Variants in RNF180 observed in about 807,000 individuals in gnomAD.
The protein encoded by RNF180 is ring finger protein 180, also known as E3 ubiquitin-protein ligase RNF180.
A neutral mutation model predicts 59.2 loss-of-function variants in RNF180; 38 were observed. The ratio of observed to expected loss-of-function variants is 0.64; its 90% CI spans 0.50 to 0.84. The LOEUF (loss-of-function observed/expected upper bound fraction) is 0.84, where lower values mean the gene tolerates loss of function less well. Ranked by LOEUF, RNF180 falls within the 40% of genes least tolerant of loss-of-function variation. The probability of loss-of-function intolerance (pLI) is 0.00; values close to 1 mark genes in which losing one functional copy is unlikely to be tolerated. For synonymous variants in RNF180, 262 were observed against 240.3 expected, an observed-to-expected ratio of 1.09 and a Z score of -0.84; for missense variants, 705 against 700.9, an observed-to-expected ratio of 1.01 and a Z score of -0.07.
At chr5:64,213,241 T>C (rs921868454) in intron 3 of RNF180, among the ~76,000 whole-genome samples, 1 of 152,204 alleles carries the variant, frequency 6.6e-6, no homozygotes, top group African/African-American at 2.4e-5. Context: ...CCTGGTTCCA[T>C]AGCATATTTT....
intron 1 of RNF180, among the ~76,000 whole-genome samples, chr5:64,193,770 A>G (rs1021995248): frequency 1.3e-5 from 2 of 152,140 alleles, no homozygotes; most frequent in Non-Finnish European, 2.9e-5. Flanking sequence ...TAATCCCTGT[A>G]TGGGCAATGG....
intron 1 of RNF180, chr5:64,166,367 T>A (rs986839003): frequency 6.6e-6 from 1 of 152,642 alleles, no homozygotes; most frequent in Non-Finnish European, 1.5e-5. Context: ...TTTCGGAGCT[T>A]GTGGGGACCA....
intron 3 of RNF180, 31 bp from the exon 4 acceptor site, chr5:64,213,527 C>T: frequency 1.3e-6 from 2 of 1,551,316 alleles, no homozygotes; most frequent in Non-Finnish European, 1.7e-6. Flanking sequence ...ATAATGAAAG[C>T]ACTGTCTTTA....
intron 5 of RNF180, among the ~76,000 whole-genome samples, chr5:64,252,251 C>T (rs888532020): frequency 6.6e-6 from 1 of 152,080 alleles, no homozygotes; most frequent in Non-Finnish European, 1.5e-5. Context: ...TGATTTTCAA[C>T]AAAGGTGCCA....
chr5:64,253,989 G>C (rs1440709324), intron 5 of RNF180, among the ~76,000 whole-genome samples: 1 of 151,930 alleles, frequency 6.6e-6, no homozygotes, highest in East Asian at 1.9e-4. Flanking sequence ...ACCACTAAAG[G>C]GTGGACCCTC....
At chr5:64,278,516 C>T (rs1353241095) in intron 5 of RNF180, among the ~76,000 whole-genome samples, 1 of 151,864 alleles carries the variant, frequency 6.6e-6, no homozygotes, top group African/African-American at 2.4e-5. Context: ...GTAACAGTGG[C>T]AAAAGATAAA....
chr5:64,316,750 G>A (rs1744058030), intron 5 of RNF180, among the ~76,000 whole-genome samples: 1 of 152,190 alleles, frequency 6.6e-6, no homozygotes. Context: ...ATATAATTGT[G>A]TTGATGGAGA....
intron 1 of RNF180, among the ~76,000 whole-genome samples, chr5:64,192,911 A>ATATATATATATATG (rs1751247039): frequency 1.5e-5 from 1 of 66,894 alleles, no homozygotes; most frequent in South Asian, 4.7e-4. Context: ...ATGTATATAT[A>ATATATATATATATG]TATATATATA....
intron 7 of RNF180, among the ~76,000 whole-genome samples, chr5:64,354,960 A>C (rs184236719): frequency 3.7e-3 from 567 of 152,052 alleles, no homozygotes; most frequent in Non-Finnish European, 5.9e-3. Flanking sequence ...CCTCCTAGCT[A>C]ACACCACACA....
At position 64,188,107 on chromosome 5, in the gene RNF180, T is replaced by C. The variant is rs142195155; in HGVS notation, c.1-12701T>C. 2.0e-5 allele frequency among the ~76,000 whole-genome samples: 3 copies of C among 152,296 alleles called. No individual in the cohort carries two copies. The East Asian group carries it at 5.8e-4, about 29-fold the overall frequency. ...GTAATTAGTTTTACAAAATAATTAATATCTGTGCAGCTCATCTGACAGAGT... is the reference window on the plus strand; with the variant it reads ...GTAATTAGTTTTACAAAATAATTAACATCTGTGCAGCTCATCTGACAGAGT... On this transcript the variant is annotated intron_variant, in intron 1 of 7. Coordinates refer to ENST00000389100, the MANE Select transcript of RNF180 (RefSeq NM_001113561.2).
chr5:64,237,077 AG>A (rs778521575), intron 5 of RNF180, among the ~76,000 whole-genome samples: 86 of 152,296 alleles, frequency 5.6e-4, no homozygotes, highest in Middle Eastern at 6.8e-3. Flanking sequence ...AGGGGAACTG[AG>A]AAGAGGGCCA....
chr5:64,307,323 G>A (rs1008901856), intron 5 of RNF180, among the ~76,000 whole-genome samples: 7 of 151,182 alleles, frequency 4.6e-5, no homozygotes, highest in Non-Finnish European at 8.9e-5. Context: ...CTTAAGACTT[G>A]GTTAAACTGC....
chr5:64,343,228 G>A (rs1745427632), intron 7 of RNF180, among the ~76,000 whole-genome samples: 2 of 151,808 alleles, frequency 1.3e-5, no homozygotes, highest in Non-Finnish European at 2.9e-5. Flanking sequence ...AAGTGTTAAT[G>A]AAAATAGAGA....
chr5:64,272,804 G>A (rs768292243), intron 5 of RNF180, among the ~76,000 whole-genome samples: 10 of 151,980 alleles, frequency 6.6e-5, no homozygotes, highest in Non-Finnish European at 1.5e-4. Context: ...AGCTTGTGGA[G>A]CTGGATGAAT....
intron 7 of RNF180, among the ~76,000 whole-genome samples, chr5:64,342,860 T>TAAAG (rs1486860543): frequency 1.3e-5 from 2 of 152,134 alleles, no homozygotes; most frequent in Non-Finnish European, 2.9e-5. Context: ...AAAGTCCCAT[T>TAAAG]AAAGAAATGA....
At chr5:64,266,715 T>TA (rs1221902320) in intron 5 of RNF180, among the ~76,000 whole-genome samples, 1 of 152,002 alleles carries the variant, frequency 6.6e-6, no homozygotes, top group African/African-American at 2.4e-5. Context: ...TAATGCAGGG[T>TA]AAAAAACTAT....
chr5:64,363,458 G>A (rs1463973950), intron 7 of RNF180, among the ~76,000 whole-genome samples: 3 of 151,742 alleles, frequency 2.0e-5, no homozygotes, highest in African/African-American at 4.8e-5. Context: ...CGCTATTTTT[G>A]TACTAGTACC....
chr5:64,174,320 C>T (rs1045091290), intron 1 of RNF180, among the ~76,000 whole-genome samples: 1 of 152,102 alleles, frequency 6.6e-6, no homozygotes, highest in African/African-American at 2.4e-5. Context: ...TGGATATATA[C>T]CCAGAAGTGG....
At chr5:64,258,634 A>G (rs1204283199) in intron 5 of RNF180, among the ~76,000 whole-genome samples, 3 of 152,192 alleles carry the variant, frequency 2.0e-5, no homozygotes, top group Non-Finnish European at 4.4e-5. Flanking sequence ...ATTGAGATTG[A>G]CATGCCTGTG....
Sources: allele counts gnomAD v4.1 joint callset (sites outside exome capture counted in the v4.1 genomes callset), GRCh38; gene constraint gnomAD v4.1.1; transcripts MANE v1.5; gene names NCBI Gene and HGNC (gene_info 2026-07-23, HGNC 2026-07-21).